Variants in EARS2 observed in about 807,000 individuals in gnomAD.
EARS2 encodes the protein glutamyl-tRNA synthetase 2, mitochondrial.
EARS2 carries 50 observed loss-of-function variants against 54.1 expected under a neutral mutation model. That is an observed-to-expected ratio of 0.92 (90% CI 0.74 to 1.17). The LOEUF (loss-of-function observed/expected upper bound fraction) is 1.17, where lower values mean the gene tolerates loss of function less well. Among genes scored for constraint, EARS2 ranks in the 50% most tolerant of loss-of-function variants. EARS2 has a pLI of 0.00. For missense variants in EARS2, 673 were observed against 675.0 expected (o/e 1.00, Z 0.03); for synonymous variants, 298 against 281.0 (o/e 1.06, Z -0.61).
rs540447469 is a variant in EARS2 at position 23,520,945 on chromosome 16, C to T, written c.*3426G>A. Among the ~76,000 whole-genome samples the T allele has an allele frequency of 1.3e-5, 2 of 152,120 alleles. No individual in the cohort carries two copies. Among genetic ancestry groups the T allele is most frequent in the African/African-American group, 4.8e-5 (2 of 41,506 alleles). Reference sequence around the variant, plus strand: ...TAGCTGGGATTATAGGTATGTACCACCACACCTGGCTAATTTTTGTACTTT... The same window carrying T: ...TAGCTGGGATTATAGGTATGTACCATCACACCTGGCTAATTTTTGTACTTT... On this transcript the variant is annotated 3_prime_UTR_variant, in exon 9 of 9. Transcript: ENST00000449606.
At chr16:23,548,489 C>T (rs1965642484) in intron 2 of EARS2, among the ~76,000 whole-genome samples, 1 of 152,102 alleles carries the variant, frequency 6.6e-6, no homozygotes. Context: ...TCACTGTATC[C>T]CTCATGCCTG....
At chr16:23,528,603 A>G (rs1010185209) in intron 7 of EARS2, among the ~76,000 whole-genome samples, 1 of 152,256 alleles carries the variant, frequency 6.6e-6, no homozygotes, top group Non-Finnish European at 1.5e-5. Flanking sequence ...CTGGTGAATT[A>G]GAACTAATAG....
chr16:23,549,267 C>T (rs1733209469), intron 2 of EARS2, among the ~76,000 whole-genome samples: 1 of 152,100 alleles, frequency 6.6e-6, no homozygotes, highest in Non-Finnish European at 1.5e-5. Flanking sequence ...TGGTATTTCC[C>T]AAGTTTTTGG....
At chr16:23,536,455 A>G (rs1965419175) in intron 3 of EARS2, among the ~76,000 whole-genome samples, 3 of 151,934 alleles carry the variant, frequency 2.0e-5, no homozygotes, top group Admixed American at 1.3e-4. Context: ...AAAAATTTAA[A>G]ATACCAGCCT....
chr16:23,545,294 T>C (rs188548127), intron 2 of EARS2: 97 of 152,320 alleles, frequency 6.4e-4, no homozygotes, highest in African/African-American at 2.3e-3. Flanking sequence ...TGGGATTCCC[T>C]GGAGAGGGAG....
intron 1 of EARS2, among the ~76,000 whole-genome samples, chr16:23,556,457 C>G (rs983288656): frequency 3.9e-5 from 6 of 152,188 alleles, no homozygotes; most frequent in African/African-American, 2.4e-5. Context: ...TGCGTTCAAG[C>G]GATTCTCCTG....
intron 3 of EARS2, among the ~76,000 whole-genome samples, chr16:23,541,754 C>A (rs1053963998): frequency 2.0e-5 from 3 of 150,160 alleles, no homozygotes; most frequent in African/African-American, 7.4e-5. Flanking sequence ...AGTACAATGG[C>A]ACAATCTCAG....
chr16:23,550,189 T>C (rs572951627), intron 2 of EARS2, among the ~76,000 whole-genome samples: 236 of 152,072 alleles, frequency 1.6e-3, no homozygotes, highest in Non-Finnish European at 2.8e-3. Flanking sequence ...AGCAAGACCC[T>C]ACCTCTACAA....
intron 7 of EARS2, among the ~76,000 whole-genome samples, chr16:23,527,245 T>A (rs1346186049): frequency 6.6e-6 from 1 of 152,052 alleles, no homozygotes; most frequent in Non-Finnish European, 1.5e-5. Context: ...GGATTACAGG[T>A]ACAAGCCACA....
At chr16:23,541,881 T>G (rs1203088194) in intron 3 of EARS2, among the ~76,000 whole-genome samples, 2 of 150,032 alleles carry the variant, frequency 1.3e-5, no homozygotes, top group Non-Finnish European at 3.0e-5. Context: ...TTTTTGGAGA[T>G]GGAGTCTTGC....
chr16:23,550,233 GGCA>G (rs1965671019), intron 2 of EARS2, among the ~76,000 whole-genome samples: 1 of 152,004 alleles, frequency 6.6e-6, no homozygotes, highest in East Asian at 1.9e-4. Flanking sequence ...TGGGCATGGT[GGCA>G]CACAGCTATG....
At chr16:23,534,675 G>A (rs1462432198) in intron 4 of EARS2, among the ~76,000 whole-genome samples, 1 of 152,160 alleles carries the variant, frequency 6.6e-6, no homozygotes, top group African/African-American at 2.4e-5. Context: ...CTTGAGGGCA[G>A]GGATCATGTC....
At chr16:23,553,795 T>C (rs976522396) in intron 1 of EARS2, among the ~76,000 whole-genome samples, 1 of 151,568 alleles carries the variant, frequency 6.6e-6, no homozygotes. Context: ...ACTTGGGAGG[T>C]TGAGGCAGGA....
intron 1 of EARS2, among the ~76,000 whole-genome samples, chr16:23,556,309 C>G (rs1485055640): frequency 6.6e-6 from 1 of 152,226 alleles, no homozygotes; most frequent in Non-Finnish European, 1.5e-5. Flanking sequence ...CCCAACAGCA[C>G]TAGCACAGTG....
At chr16:23,546,300 T>C (rs1432116706) in intron 2 of EARS2, 1 of 431,614 alleles carries the variant, frequency 2.3e-6, no homozygotes, top group Non-Finnish European at 4.7e-6. Context: ...TTCAAAGGAA[T>C]TGGGAAGATA....
At chr16:23,537,111 G>A in intron 3 of EARS2, 1 of 258,126 alleles carries the variant, frequency 3.9e-6, no homozygotes, top group South Asian at 4.2e-5. Flanking sequence ...CAGGAATTCT[G>A]ACAGTGAGTT....
At chr16:23,536,324 G>A (rs574074148) in intron 3 of EARS2, among the ~76,000 whole-genome samples, 84 of 152,262 alleles carry the variant, frequency 5.5e-4, no homozygotes, top group African/African-American at 1.9e-3. Context: ...GGTGCACAGG[G>A]CTGGACACAG....
At position 23,544,548 on chromosome 16, in the gene EARS2, T is replaced by C; in HGVS notation, c.451A>G (p.Lys151Glu). The C allele has an allele frequency of 1.2e-6, 2 of 1,614,082 alleles. No homozygotes were observed. Among genetic ancestry groups the C allele is most frequent in the South Asian group, 2.2e-5 (2 of 91,060 alleles). ...FCSPQRLELL[K>E]KEALRNHQTP... is the part of the protein sequence containing the mutation. ...TGGTGGTTCCGCAAGGCCTCCTTCT[T>C]CAGGAGCTCCAGCCGCTGGGGTGAG... The change falls in exon 3 of 9, where the codon AAG becomes GAG. Residue 151 changes from lysine to glutamate, a missense_variant. By Grantham distance (56) the Lys-to-Glu change is moderately conservative. Coordinates refer to ENST00000449606, the MANE Select transcript of EARS2 (RefSeq NM_001083614.2).
Position 23,522,044 on chromosome 16 carries a change from G to T in EARS2, c.*2327C>A. 3.0e-6 allele frequency: 1 copy of T among 333,338 alleles called. No individual in the cohort carries two copies. Among genetic ancestry groups the T allele is most frequent in the South Asian group, 2.4e-5 (1 of 41,502 alleles). 20.6% of individuals were successfully genotyped at this position (333,338 alleles called of 1,614,324 possible). A position where few individuals can be genotyped will look rare whatever the true frequency, so the allele number is the denominator to read the frequency against. On this transcript the variant is annotated 3_prime_UTR_variant, in exon 9 of 9. Coordinates refer to ENST00000449606, the MANE Select transcript of EARS2 (RefSeq NM_001083614.2). ...TGTTATAAAAAAAATTTACTGAGAT[G>T]ATGGACTAAGGCATTTACGAGCATT... is the stretch of plus-strand genomic sequence containing the variant.
Sources: gnomAD v4.1 joint callset for allele counts (sites outside exome capture counted in the v4.1 genomes callset) on GRCh38, gnomAD v4.1.1 for gene constraint, MANE v1.5 for transcripts, NCBI Gene and HGNC (gene_info 2026-07-23, HGNC 2026-07-21) for gene names.